GRK7: variants seen among roughly 807,000 people sequenced by gnomAD.
GRK7 encodes rhodopsin kinase GRK7.
GRK7 carries 24 observed loss-of-function variants against 34.1 expected under a neutral mutation model. That is an observed-to-expected ratio of 0.70 (90% CI 0.51 to 0.99). The LOEUF (loss-of-function observed/expected upper bound fraction) is 0.99. GRK7 is among the 50% of genes least tolerant of loss of function. The pLI is 0.00. For synonymous variants in GRK7, 256 were observed against 279.4 expected (o/e 0.92, Z 0.84); for missense variants, 644 against 707.3 (o/e 0.91, Z 1.02).
chr3:141,779,098 G>C (rs1002046030), intron 3 of GRK7, among the ~76,000 whole-genome samples: 14 of 152,148 alleles, frequency 9.2e-5, no homozygotes, highest in African/African-American at 3.4e-4. Context: ...AGAGAGACAA[G>C]CAAAATTTAT....
rs140730604 is a variant in GRK7, at chr3:141,768,491, G to A, written c.-215+2753G>A. On this transcript the variant is annotated intron_variant, in intron 1 of 5. Transcript: ENST00000682958. ...GATGGGGTTTCACCATGTTGGCCGG[G>A]CTGGTCTCGAACTCCTGACCTCAGG... 8.1e-3 allele frequency among the ~76,000 whole-genome samples: 1,234 copies of A among 152,070 alleles called. 7 individuals are homozygous for A. Among genetic ancestry groups the A allele is most frequent in the Middle Eastern group, 0.02 (6 of 294 alleles).
At chr3:141,788,165 G>T (rs1300389197) in intron 4 of GRK7, among the ~76,000 whole-genome samples, 2 of 152,190 alleles carry the variant, frequency 1.3e-5, no homozygotes, top group Admixed American at 1.3e-4. Context: ...TCCCTGGGGG[G>T]GCACAGGCCC....
At chr3:141,774,058 T>C (rs572192226) in intron 1 of GRK7, among the ~76,000 whole-genome samples, 1 of 152,312 alleles carries the variant, frequency 6.6e-6, no homozygotes, top group South Asian at 2.1e-4. Flanking sequence ...ATATAAGAAT[T>C]CAATGCTGTT....
chr3:141,778,601 T>G lies in GRK7; in HGVS notation c.317T>G (p.Leu106Arg), dbSNP rs749744947. The change falls in exon 3 of 6, where the codon CTG becomes CGG. Residue 106 changes from leucine to arginine, a missense_variant. Physicochemically the swap from Leu to Arg is moderately radical, Grantham distance 102. Transcript: ENST00000682958. The surrounding 1 kb of genome is among the most constrained non-coding windows in gnomAD (Gnocchi z 4.1). ...GAGGGACCCACCAAAGACAGCGCGCTGCAGGGGCTGGTGGCCACTTGTGCG... is the reference window on the plus strand; with the variant it reads ...GAGGGACCCACCAAAGACAGCGCGCGGCAGGGGCTGGTGGCCACTTGTGCG... ...AEEGPTKDSALQGLVATCASA... is the reference protein window; with the variant it reads ...AEEGPTKDSARQGLVATCASA... The G allele has an allele frequency of 1.9e-6, 3 of 1,612,646 alleles. No individual in the cohort carries two copies. The South Asian group carries it at 3.3e-5, about 18-fold the overall frequency.
intron 4 of GRK7, among the ~76,000 whole-genome samples, chr3:141,800,136 G>A (rs576044988): frequency 2.0e-5 from 3 of 152,232 alleles, no homozygotes; most frequent in Admixed American, 2.0e-4. Flanking sequence ...CAGGACCCAA[G>A]AACATGAGGC....
intron 4 of GRK7, among the ~76,000 whole-genome samples, chr3:141,799,325 A>G (rs1710926352): frequency 6.6e-6 from 1 of 152,160 alleles, no homozygotes; most frequent in Non-Finnish European, 1.5e-5. Flanking sequence ...TGAAAAGCGC[A>G]GGCCAGGGCA....
At chr3:141,806,681 A>G (rs554871729) in intron 4 of GRK7, among the ~76,000 whole-genome samples, 2 of 152,092 alleles carry the variant, frequency 1.3e-5, no homozygotes, top group Non-Finnish European at 2.9e-5. Context: ...AGGTACCTAG[A>G]GCAGTCAAAT....
At chr3:141,775,175 G>A (rs957990298) in intron 2 of GRK7, among the ~76,000 whole-genome samples, 2 of 152,104 alleles carry the variant, frequency 1.3e-5, no homozygotes, top group South Asian at 2.1e-4. Flanking sequence ...CAAGGAGGGC[G>A]GATCACTTGA....
intron 4 of GRK7, among the ~76,000 whole-genome samples, chr3:141,800,275 A>T (rs1401458892): frequency 6.7e-6 from 1 of 150,356 alleles, no homozygotes; most frequent in African/African-American, 2.5e-5. Flanking sequence ...ATCCCACCTG[A>T]TCCCTCTTGT....
chr3:141,778,258 C>T lies in GRK7; in HGVS notation c.-27C>T, dbSNP rs2084650094. The T allele has an allele frequency of 6.5e-7, 1 of 1,533,910 alleles. No homozygotes were observed. ...CAGCCCTCCAGCCCTCTTGTGCTTT[C>T]CCTGGGAGTGCGCCCCGTGCTCAGC... On this transcript the variant is annotated 5_prime_UTR_variant, in exon 3 of 6. Coordinates refer to ENST00000682958, the MANE Select transcript of GRK7 (RefSeq NM_139209.3). This position sits in a 1 kb window ranked among gnomAD's most constrained non-coding sequence, Gnocchi z 4.1.
chr3:141,818,506 CAAA>C lies in GRK7; in HGVS notation c.*1462_*1464del, dbSNP rs199720669. 4 of 151,394 alleles carry C rather than the reference CAAA, an allele frequency of 2.6e-5. No individual in the cohort carries two copies. The highest frequency in any genetic ancestry group is 4.4e-5 in the Non-Finnish European group (3 of 67,866). The allele number at this position is 151,394 out of a possible 1,614,324, so 9.4% of individuals were successfully genotyped here. A position where few individuals can be genotyped will look rare whatever the true frequency, so the allele number is the denominator to read the frequency against. ...CAAAAAAAAACAAAACAAAACAAAA[CAAA>C]AAAAACAGAAAAGAAATTGAATTGA... On this transcript the variant is annotated 3_prime_UTR_variant, in exon 6 of 6. Transcript: ENST00000682958.
chr3:141,755,783 A>T, the GRK7 span, among the ~76,000 whole-genome samples: 2 of 152,194 alleles, frequency 1.3e-5, no homozygotes, highest in Non-Finnish European at 2.9e-5. Context: ...AGTTATTTTT[A>T]AAAGTTAAAT....
At chr3:141,805,652 A>G (rs1711029683) in intron 4 of GRK7, among the ~76,000 whole-genome samples, 1 of 151,748 alleles carries the variant, frequency 6.6e-6, no homozygotes, top group Admixed American at 6.6e-5. Flanking sequence ...CAGGCCAATC[A>G]CTCTTCATTA....
intron 1 of GRK7, among the ~76,000 whole-genome samples, chr3:141,771,542 G>A (rs1030612251): frequency 3.3e-5 from 5 of 151,888 alleles, no homozygotes; most frequent in Admixed American, 3.3e-4. Flanking sequence ...AAGGATGGGA[G>A]GGTAAGAAGG....
intron 1 of GRK7, among the ~76,000 whole-genome samples, chr3:141,771,692 A>AT (rs142457397): frequency 0.067 from 10,064 of 149,626 alleles, 993 homozygotes; most frequent in African/African-American, 0.22. Context: ...TCCCAAATCT[A>AT]TTTTTTTTTT....
chr3:141,806,304 T>A (rs543593370), intron 4 of GRK7, among the ~76,000 whole-genome samples: 1 of 152,254 alleles, frequency 6.6e-6, no homozygotes, highest in East Asian at 1.9e-4. Flanking sequence ...GGCTCACATC[T>A]GTAATCTCAG....
chr3:141,804,960 CCA>C (rs1711012197), intron 4 of GRK7, among the ~76,000 whole-genome samples: 1 of 150,838 alleles, frequency 6.6e-6, no homozygotes, highest in Admixed American at 6.6e-5. Flanking sequence ...CACATACACA[CCA>C]CACTCACATA....
chr3:141,757,137 T>TTCTTTTTTTTTTTTTTTC, the GRK7 span, among the ~76,000 whole-genome samples: 1 of 125,310 alleles, frequency 8.0e-6, no homozygotes, highest in Admixed American at 7.7e-5. Context: ...TTCTTTTTTT[T>TTCTTTTTTTTTTTTTTTC]TTTTTTTTTC....
At chr3:141,779,651 C>G (rs2084661422) in intron 3 of GRK7, among the ~76,000 whole-genome samples, 3 of 152,220 alleles carry the variant, frequency 2.0e-5, no homozygotes, top group Admixed American at 2.0e-4. Flanking sequence ...CCAAGACACT[C>G]TCATCACCCC....
Sources: gnomAD v4.1 joint callset for allele counts (sites outside exome capture counted in the v4.1 genomes callset) on GRCh38, gnomAD v4.1.1 for gene constraint, Gnocchi (gnomAD v3.1) non-coding constraint, MANE v1.5 for transcripts, NCBI Gene and HGNC (gene_info 2026-07-23, HGNC 2026-07-21) for gene names.